CUL4A: variants seen among roughly 807,000 people sequenced by gnomAD.
CUL4A encodes the protein cullin 4A, also known as cullin-4A.
CUL4A carries 16 observed loss-of-function variants against 95.5 expected under a neutral mutation model. The ratio of observed to expected loss-of-function variants is 0.17; its 90% confidence interval spans 0.11 to 0.25. The LOEUF is 0.25. Among genes scored for constraint, CUL4A ranks in the 10% least tolerant of loss-of-function variants. The pLI, the probability that CUL4A is intolerant of heterozygous loss-of-function variation, is 1.00. For missense variants in CUL4A, 610 were observed against 937.0 expected (o/e 0.65, Z 4.56); for synonymous variants, 380 against 353.1 (o/e 1.08, Z -0.85).
intron 3 of CUL4A, 41 bp downstream of exon 3, chr13:113,219,089 A>G (rs770949929): frequency 3.9e-6 from 5 of 1,273,448 alleles, no homozygotes; most frequent in South Asian, 2.7e-5. Flanking sequence ...TTCATTATCT[A>G]AGTCTTTTAA....
chr13:113,208,739 C>T (rs1353868764), upstream of CUL4A: 6 of 1,485,884 alleles, frequency 4.0e-6, no homozygotes, highest in Non-Finnish European at 5.4e-6. Flanking sequence ...CCCGGCCCCG[C>T]CGCGGGTGCG....
intron 3 of CUL4A, 88 bp downstream of exon 3, chr13:113,219,136 C>G (rs756339913): frequency 1.0e-5 from 7 of 696,932 alleles, no homozygotes; most frequent in Non-Finnish European, 1.6e-5. Context: ...TAATGAGTAT[C>G]CTTAATATTA....
chr13:113,216,751 T>C (rs1158442266), intron 2 of CUL4A, among the ~76,000 whole-genome samples: 1 of 152,204 alleles, frequency 6.6e-6, no homozygotes, highest in African/African-American at 2.4e-5. Context: ...GTGCTGCTTC[T>C]ATAACAGCAC....
chr13:113,258,200 A>AG (rs1034598675), intron 18 of CUL4A, among the ~76,000 whole-genome samples: 11 of 152,034 alleles, frequency 7.2e-5, no homozygotes, highest in African/African-American at 2.7e-4. Context: ...CATGTTACCC[A>AG]GGCTGGTCTT....
At position 113,260,862 on chromosome 13, in the gene CUL4A, A is replaced by G. The variant is rs1222804750; in HGVS notation, c.2184+103A>G. 3 of 917,018 alleles carry G rather than the reference A, an allele frequency of 3.3e-6. No homozygotes were observed. In the South Asian group the frequency reaches 5.2e-5, roughly 16 times the overall value. The allele number at this position is 917,018 out of a possible 1,614,324, so 56.8% of individuals were successfully genotyped here. A position where few individuals can be genotyped will look rare whatever the true frequency, so the allele number is the denominator to read the frequency against. ...TCATATCATTTGACCTGCATTATTCATGGTGCTTTGTGTATACACTGAATG... is the reference window on the plus strand; with the variant it reads ...TCATATCATTTGACCTGCATTATTCGTGGTGCTTTGTGTATACACTGAATG... On this transcript the variant is annotated intron_variant, in intron 19 of 19. Coordinates refer to ENST00000375440, the MANE Select transcript of CUL4A (RefSeq NM_001008895.4).
At chr13:113,241,634 C>T (rs1566356305) in intron 10 of CUL4A, among the ~76,000 whole-genome samples, 1 of 151,790 alleles carries the variant, frequency 6.6e-6, no homozygotes, top group Non-Finnish European at 1.5e-5. Flanking sequence ...CTGCCTCAGC[C>T]TCCTGAGTAG....
chr13:113,244,821 C>T, intron 12 of CUL4A, 128 bp from the exon 13 acceptor site: 1 of 651,172 alleles, frequency 1.5e-6, no homozygotes, highest in Non-Finnish European at 2.6e-6. Context: ...GCCTGGGCAA[C>T]AGAGCAAGAC....
chr13:113,223,518 C>T (rs1427223556), intron 3 of CUL4A, among the ~76,000 whole-genome samples: 2 of 152,188 alleles, frequency 1.3e-5, no homozygotes, highest in African/African-American at 2.4e-5. Context: ...TTGTCTCAGC[C>T]TCCCGAGTAG....
At chr13:113,260,442 C>T (rs960783602) in intron 18 of CUL4A, among the ~76,000 whole-genome samples, 165 bp from the exon 19 acceptor site, 2 of 151,252 alleles carry the variant, frequency 1.3e-5, no homozygotes, top group Non-Finnish European at 2.9e-5. Context: ...CCCAGCTACT[C>T]GGGAGGCTGA....
intron 11 of CUL4A, among the ~76,000 whole-genome samples, chr13:113,243,402 G>A (rs1367011484): frequency 6.6e-6 from 1 of 152,108 alleles, no homozygotes; most frequent in African/African-American, 2.4e-5. Context: ...ATTTAGAAAA[G>A]AAATGATGCT....
intron 3 of CUL4A, among the ~76,000 whole-genome samples, chr13:113,224,716 T>G (rs2041037588): frequency 6.6e-6 from 1 of 152,252 alleles, no homozygotes; most frequent in Non-Finnish European, 1.5e-5. Flanking sequence ...CTCTGCACAT[T>G]CATGAATTGC....
chr13:113,235,184 C>T, intron 8 of CUL4A, 39 bp downstream of exon 8: 2 of 1,425,506 alleles, frequency 1.4e-6, no homozygotes, highest in Non-Finnish European at 9.9e-7. Flanking sequence ...GTATCTTCAC[C>T]ATGGCTGGAA....
intron 6 of CUL4A, 135 bp from the exon 7 acceptor site, chr13:113,233,762 C>T (rs375962578): frequency 1.4e-5 from 9 of 664,206 alleles, no homozygotes; most frequent in South Asian, 6.9e-5. Context: ...ACAGTGCAGC[C>T]GGCCGGCTGG....
chr13:113,220,027 C>G (rs893810082), intron 3 of CUL4A, among the ~76,000 whole-genome samples: 24 of 152,208 alleles, frequency 1.6e-4, no homozygotes, highest in Non-Finnish European at 3.4e-4. Context: ...CTGTACTTTT[C>G]TAGGCCTCCG....
chr13:113,228,250 C>G (rs2025247), intron 4 of CUL4A, among the ~76,000 whole-genome samples: 32,525 of 152,174 alleles, frequency 0.21, 3,980 homozygotes, highest in South Asian at 0.43. Context: ...TTCAGGTCCA[C>G]AGTCACAGTC....
Position 113,209,753 on chromosome 13 carries a change from G to A in CUL4A, c.126G>A (p.Lys42=). The change falls in exon 1 of 20, where the codon AAG becomes AAA. Residue 42 remains lysine (K), a synonymous_variant. Coordinates refer to ENST00000375440, the MANE Select transcript of CUL4A (RefSeq NM_001008895.4). ...AKPGGAGGSK[K]LVIKNFRDRP... is the part of the protein sequence containing the mutation. ...CGGGGGGCGCGGGCGGCTCCAAGAAGCTGGTCATCAAGAACTTCCGAGGTG... is the reference window on the plus strand; with the variant it reads ...CGGGGGGCGCGGGCGGCTCCAAGAAACTGGTCATCAAGAACTTCCGAGGTG... 8.5e-7 allele frequency: 1 copy of A among 1,176,622 alleles called. No homozygotes were observed. 72.9% of individuals were successfully genotyped at this position (1,176,622 alleles called of 1,614,324 possible).
chr13:113,216,534 C>T (rs2040698725), intron 2 of CUL4A, among the ~76,000 whole-genome samples: 1 of 152,224 alleles, frequency 6.6e-6, no homozygotes, highest in African/African-American at 2.4e-5. Context: ...GAGTAGAATG[C>T]AAATGATACT....
chr13:113,212,900 A>G (rs1214042964), intron 2 of CUL4A, among the ~76,000 whole-genome samples: 1 of 152,232 alleles, frequency 6.6e-6, no homozygotes, highest in Non-Finnish European at 1.5e-5. Context: ...ACGTAGGAGT[A>G]GGAGGAGTGA....
At chr13:113,215,609 G>T (rs540942307) in intron 2 of CUL4A, among the ~76,000 whole-genome samples, 1 of 144,020 alleles carries the variant, frequency 6.9e-6, no homozygotes, top group African/African-American at 2.6e-5. Context: ...GTCACGTCCC[G>T]TGTGGCTGTG....
Sources: allele counts gnomAD v4.1 joint callset (sites outside exome capture counted in the v4.1 genomes callset), GRCh38; gene constraint gnomAD v4.1.1; transcripts MANE v1.5; gene names NCBI Gene and HGNC (gene_info 2026-07-23, HGNC 2026-07-21).